Variants in IL18R1 observed in about 807,000 individuals in gnomAD.
The protein encoded by IL18R1 is interleukin 18 receptor 1.
In IL18R1, 40 loss-of-function variants were observed where a neutral mutation model predicts 48.5. The ratio of observed to expected loss-of-function variants is 0.82; its 90% CI spans 0.64 to 1.07. The LOEUF (loss-of-function observed/expected upper bound fraction) is 1.07. Among genes scored for constraint, IL18R1 ranks in the 50% least tolerant of loss-of-function variants. The pLI, the probability that IL18R1 is intolerant of heterozygous loss-of-function variation, is 0.00. For missense variants in IL18R1, 596 were observed against 633.7 expected (o/e 0.94, Z 0.64); for synonymous variants, 232 against 225.9 (o/e 1.03, Z -0.24).
intron 6 of IL18R1, among the ~76,000 whole-genome samples, chr2:102,381,964 A>G (rs568593272): frequency 1.1e-4 from 16 of 152,072 alleles, no homozygotes; most frequent in Admixed American, 2.0e-4. Flanking sequence ...AACTCTCTCT[A>G]TGGTCATTTC....
chr2:102,366,949 T>C (rs1395284674), intron 2 of IL18R1, among the ~76,000 whole-genome samples: 1 of 152,200 alleles, frequency 6.6e-6, no homozygotes, highest in Non-Finnish European at 1.5e-5. Flanking sequence ...ACCCTGACTA[T>C]AGAGAAGGCA....
intron 5 of IL18R1, among the ~76,000 whole-genome samples, chr2:102,377,136 A>G (rs1679635932): frequency 6.6e-6 from 1 of 152,166 alleles, no homozygotes; most frequent in Non-Finnish European, 1.5e-5. Context: ...CACATTTGCT[A>G]CAGCCTTTGC....
Position 102,369,352 on chromosome 2 carries a change from C to T in IL18R1, c.302+1284C>T, listed in dbSNP as rs3771172. ...AATGGCATTGGCCATCTTTCTGATACGGGTAGTAGAGAATACAGCCTGGCT... is the reference window on the plus strand; with the variant it reads ...AATGGCATTGGCCATCTTTCTGATATGGGTAGTAGAGAATACAGCCTGGCT... On this transcript the variant is annotated intron_variant, in intron 3 of 10. Transcript: ENST00000233957. Among the ~76,000 whole-genome samples the T allele has an allele frequency of 0.22, 33,187 of 152,070 alleles. 4,354 individuals carry two copies. The highest frequency in any genetic ancestry group is 0.39 in the East Asian group (2,003 of 5,166).
intron 2 of IL18R1, among the ~76,000 whole-genome samples, chr2:102,366,988 C>T (rs773470032): frequency 5.9e-5 from 9 of 152,172 alleles, no homozygotes; most frequent in East Asian, 1.9e-4. Flanking sequence ...GGAAATGTTT[C>T]GTTCAGTTTA....
At chr2:102,395,514 C>T (rs1027486211) in intron 10 of IL18R1, among the ~76,000 whole-genome samples, 6 of 152,214 alleles carry the variant, frequency 3.9e-5, no homozygotes, top group Middle Eastern at 3.4e-3. Flanking sequence ...ATATTGCTAA[C>T]TTACACTACT....
intron 3 of IL18R1, among the ~76,000 whole-genome samples, chr2:102,369,421 A>G (rs780900013): frequency 1.3e-5 from 2 of 152,192 alleles, no homozygotes; most frequent in Non-Finnish European, 2.9e-5. Flanking sequence ...AGGATGTCAG[A>G]GAGAGGTGTG....
chr2:102,382,679 TGTTTGGGGACTTTGCTTCCAA>T, intron 6 of IL18R1, among the ~76,000 whole-genome samples: 1 of 152,326 alleles, frequency 6.6e-6, no homozygotes, highest in South Asian at 2.1e-4. Context: ...GGCAAGTCTC[TGTTTGGGGACTTTGCTTCCAA>T]AGTCCCCACC....
chr2:102,379,360 G>T (rs886326659), intron 5 of IL18R1, among the ~76,000 whole-genome samples: 17 of 149,534 alleles, frequency 1.1e-4, no homozygotes, highest in African/African-American at 4.0e-4. Context: ...AGGGAGAATT[G>T]CTTGAACCCA....
rs1213845136 is a variant in IL18R1 at position 102,396,839 on chromosome 2, C to T, written c.1579C>T (p.Pro527Ser). 1 of 1,608,568 alleles carries T rather than the reference C, an allele frequency of 6.2e-7. No homozygotes were observed. Among genetic ancestry groups the T allele is most frequent in the Non-Finnish European group, 8.5e-7 (1 of 1,178,526 alleles). ...LYLMPAKTVK[P>S]GRDEPEVLPV... ...CTTAATGCCTGCAAAAACAGTCAAGCCAGGTAGAGACGAACCGGAAGTCTT... is the reference window on the plus strand; with the variant it reads ...CTTAATGCCTGCAAAAACAGTCAAGTCAGGTAGAGACGAACCGGAAGTCTT... The change falls in exon 11 of 11, where the codon CCA becomes TCA. Residue 527 changes from proline (P) to serine (S), a missense_variant. By Grantham distance (74) the Pro-to-Ser change is moderately conservative (BLOSUM62 -1). Around this residue, in one of 3 missense-constraint regions of IL18R1, gnomAD observed 179 missense variants for 206.1 expected, o/e 0.87. Transcript: ENST00000233957.
intron 5 of IL18R1, among the ~76,000 whole-genome samples, chr2:102,378,264 G>A (rs1679710890): frequency 6.6e-6 from 1 of 152,168 alleles, no homozygotes; most frequent in African/African-American, 2.4e-5. Context: ...GTGAGACTGT[G>A]GCCTTGGGTG....
chr2:102,381,055 G>C (rs916025939), intron 5 of IL18R1, among the ~76,000 whole-genome samples: 3 of 152,124 alleles, frequency 2.0e-5, no homozygotes, highest in Admixed American at 1.3e-4. Context: ...TTCCAGTCGG[G>C]GTCAGAAGCC....
chr2:102,372,099 A>G lies in IL18R1; in HGVS notation c.449A>G (p.Asn150Ser). Residue 150 changes from asparagine to serine, a missense_variant, in exon 4 of 11, where the codon AAC becomes AGC. Transcript: ENST00000233957. ...AACAGTTACTATCAAACACTGGTCA[A>G]CAGCACATCATTGTATAAGGTAATG... The part of the protein sequence containing the change: ...CENSYYQTLV[N>S]STSLYKNCKK... 1.9e-6 allele frequency: 3 copies of G among 1,600,210 alleles called. No individual in the cohort carries two copies. The highest frequency in any genetic ancestry group is 1.7e-6 in the Non-Finnish European group (2 of 1,176,530).
At chr2:102,367,511 T>C (rs1678976226) in intron 2 of IL18R1, among the ~76,000 whole-genome samples, 3 of 152,232 alleles carry the variant, frequency 2.0e-5, no homozygotes, top group Non-Finnish European at 4.4e-5. Flanking sequence ...GAAGTTGTAA[T>C]GTGTAATATT....
intron 5 of IL18R1, among the ~76,000 whole-genome samples, chr2:102,380,049 A>C (rs1441922375): frequency 6.6e-6 from 1 of 152,158 alleles, no homozygotes; most frequent in Non-Finnish European, 1.5e-5. Flanking sequence ...CTGAATTCCT[A>C]CTGGGCATCT....
At chr2:102,383,331 T>G (rs1027791197) in intron 6 of IL18R1, among the ~76,000 whole-genome samples, 1 of 152,220 alleles carries the variant, frequency 6.6e-6, no homozygotes, top group Admixed American at 6.5e-5. Context: ...TTCAAAAAAT[T>G]TATATCCTGA....
chr2:102,391,473 T>A (rs1009381919), intron 9 of IL18R1, among the ~76,000 whole-genome samples: 1 of 152,254 alleles, frequency 6.6e-6, no homozygotes, highest in African/African-American at 2.4e-5. Flanking sequence ...GAGCTACCAC[T>A]GTTTATTTAG....
intron 7 of IL18R1, among the ~76,000 whole-genome samples, chr2:102,386,526 C>A (rs140071829): frequency 6.6e-6 from 1 of 152,318 alleles, no homozygotes; most frequent in East Asian, 1.9e-4. Context: ...GTGGAAAGAA[C>A]CCCAAGTTGT....
chr2:102,388,699 C>A (rs1680387538), intron 8 of IL18R1, among the ~76,000 whole-genome samples: 1 of 152,174 alleles, frequency 6.6e-6, no homozygotes, highest in South Asian at 2.1e-4. Context: ...TCACCCCGTG[C>A]CAATGTGTGC....
intron 9 of IL18R1, among the ~76,000 whole-genome samples, chr2:102,393,033 G>T (rs1297880434): frequency 6.6e-6 from 1 of 152,142 alleles, no homozygotes; most frequent in Non-Finnish European, 1.5e-5. Flanking sequence ...ATAGGTAAGA[G>T]CAAAGCTATA....
Sources: allele counts gnomAD v4.1 joint callset (sites outside exome capture counted in the v4.1 genomes callset), GRCh38; gene constraint gnomAD v4.1.1; regional missense constraint gnomAD v4.1.1; transcripts MANE v1.5; gene names NCBI Gene and HGNC (gene_info 2026-07-23, HGNC 2026-07-21).